The following STK3 variants were observed in gnomAD, a reference collection of about 807,000 sequenced individuals.
STK3 encodes the protein serine/threonine kinase 3, also known as serine/threonine-protein kinase 3.
A neutral mutation model predicts 58.0 loss-of-function variants in STK3; 41 were observed. The ratio of observed to expected loss-of-function variants is 0.71; its 90% CI spans 0.55 to 0.92. The LOEUF (loss-of-function observed/expected upper bound fraction) is 0.92, where lower values mean the gene tolerates loss of function less well. Among genes scored for constraint, STK3 ranks in the 40% least tolerant of loss-of-function variants. The pLI is 0.00. For synonymous variants in STK3, 170 were observed against 191.0 expected (o/e 0.89, Z 0.91); for missense variants, 479 against 602.7 (o/e 0.79, Z 2.15).
rs562862771 is a variant in STK3, at chr8:98,851,290, G to A, written c.110+32357C>T. Among the ~76,000 whole-genome samples, 10 of 152,246 alleles carry A rather than the reference G, an allele frequency of 6.6e-5. No homozygotes were observed. In the East Asian group the frequency reaches 1.5e-3, roughly 24 times the overall value. ...AGCATGTGTTTAGTGGGTGAATGTCGAATGAACTGAAGCCATTCTCATCTT... is the reference window on the plus strand; with the variant it reads ...AGCATGTGTTTAGTGGGTGAATGTCAAATGAACTGAAGCCATTCTCATCTT... On this transcript the variant is annotated intron_variant, in intron 3 of 12. Coordinates refer to the STK3 transcript ENST00000523601.
chr8:98,783,129 T>C (rs919840321), intron 1 of STK3, among the ~76,000 whole-genome samples: 2 of 152,106 alleles, frequency 1.3e-5, no homozygotes, highest in Non-Finnish European at 2.9e-5. Context: ...TATAGGCATA[T>C]CTCAGAGATA....
intron 9 of STK3, among the ~76,000 whole-genome samples, chr8:98,547,453 A>C (rs1810794870): frequency 6.6e-6 from 1 of 152,202 alleles, no homozygotes; most frequent in Non-Finnish European, 1.5e-5. Context: ...TGCCTCACAT[A>C]TGATAAGCAG....
chr8:98,443,283 A>T (rs146478023), intron 1 of STK3, among the ~76,000 whole-genome samples: 1,544 of 152,352 alleles, frequency 0.01, 21 homozygotes, highest in Admixed American at 0.05. Flanking sequence ...TCAAGGCCAA[A>T]ATAAATGCTT....
chr8:98,411,122 T>G (rs1818051434), intron 3 of STK3, among the ~76,000 whole-genome samples: 1 of 152,252 alleles, frequency 6.6e-6, no homozygotes, highest in South Asian at 2.1e-4. Flanking sequence ...AGTGTCCTCA[T>G]GGCCTTTTCA....
At chr8:98,671,557 A>T (rs1038881765) in intron 6 of STK3, among the ~76,000 whole-genome samples, 5 of 152,026 alleles carry the variant, frequency 3.3e-5, no homozygotes, top group Non-Finnish European at 7.4e-5. Context: ...TTTGTATATA[A>T]ATTTTTTAGT....
intron 10 of STK3, among the ~76,000 whole-genome samples, chr8:98,503,625 G>T (rs1052984252): frequency 6.6e-6 from 1 of 152,168 alleles, no homozygotes; most frequent in African/African-American, 2.4e-5. Context: ...TGGTTTCAAA[G>T]AACATCTTTA....
At chr8:98,527,556 G>C (rs901685968) in intron 9 of STK3, among the ~76,000 whole-genome samples, 8 of 152,174 alleles carry the variant, frequency 5.3e-5, no homozygotes, top group Middle Eastern at 6.8e-3. Flanking sequence ...GGAGGTCAAG[G>C]CTGCAGTGAG....
At chr8:98,748,014 A>G (rs960571344) in intron 4 of STK3, among the ~76,000 whole-genome samples, 2 of 152,226 alleles carry the variant, frequency 1.3e-5, no homozygotes, top group Non-Finnish European at 2.9e-5. Flanking sequence ...TCACAGTTGT[A>G]ATTATTGGCA....
downstream of STK3, among the ~76,000 whole-genome samples, chr8:98,452,653 C>T (rs545787784): frequency 1.4e-4 from 21 of 152,224 alleles, no homozygotes; most frequent in African/African-American, 3.9e-4. Context: ...TGGAAAGTTC[C>T]CAGCAACCAG....
the STK3 span, among the ~76,000 whole-genome samples, chr8:98,349,522 G>A: frequency 6.6e-6 from 1 of 152,194 alleles, no homozygotes; most frequent in Admixed American, 6.5e-5. Flanking sequence ...AGCTCCACTA[G>A]GCAGCACCCC....
intron 1 of STK3, among the ~76,000 whole-genome samples, chr8:98,775,451 A>G (rs1563987522): frequency 6.6e-6 from 1 of 152,238 alleles, no homozygotes; most frequent in South Asian, 2.1e-4. Context: ...GGTACACGCC[A>G]GACGCACCAA....
chr8:98,551,455 T>C (rs2131595943), intron 8 of STK3, among the ~76,000 whole-genome samples: 1 of 152,170 alleles, frequency 6.6e-6, no homozygotes, highest in South Asian at 2.1e-4. Context: ...CATTTCTGTT[T>C]AAAACAACAA....
At chr8:98,874,412 G>A (rs887419984) in intron 3 of STK3, among the ~76,000 whole-genome samples, 4 of 151,948 alleles carry the variant, frequency 2.6e-5, no homozygotes, top group African/African-American at 9.7e-5. Flanking sequence ...TCAGACTTCT[G>A]GCCTCCAAAA....
rs543178198 is a variant in STK3 at position 98,443,343 on chromosome 8, C to T, written n.186-6135G>A. On this transcript the variant is annotated intron_variant and non_coding_transcript_variant, in intron 1 of 3. Transcript: ENST00000517832. ...TTGAGTAATCTAACTCAGGTTTGGG[C>T]GATAACAGGTATGATTTTGTGAATG... Among the ~76,000 whole-genome samples, 88 of 152,282 alleles carry T rather than the reference C, an allele frequency of 5.8e-4. 1 individual carries two copies. Among genetic ancestry groups the T allele is most frequent in the African/African-American group, 1.6e-3 (68 of 41,556 alleles).
chr8:98,913,596 C>T (rs1168357039), intron 1 of STK3, among the ~76,000 whole-genome samples: 4 of 152,218 alleles, frequency 2.6e-5, no homozygotes, highest in South Asian at 2.1e-4. Context: ...TGAATGCCGC[C>T]AAGGAGATGC....
At chr8:98,449,732 T>C (rs1261750532), downstream of STK3, among the ~76,000 whole-genome samples, 4 of 152,120 alleles carry the variant, frequency 2.6e-5, no homozygotes, top group African/African-American at 7.2e-5. Flanking sequence ...AATGTACCAG[T>C]GGTGGGAGGA....
intron 4 of STK3, among the ~76,000 whole-genome samples, chr8:98,719,037 AAGG>A (rs1279259582): frequency 5.3e-5 from 8 of 152,198 alleles, no homozygotes; most frequent in African/African-American, 1.9e-4. Flanking sequence ...TACAAAAAGA[AAGG>A]AGACACCTTC....
chr8:98,924,555 G>A (rs1234910671), intron 1 of STK3, among the ~76,000 whole-genome samples: 2 of 152,108 alleles, frequency 1.3e-5, no homozygotes, highest in Non-Finnish European at 2.9e-5. Context: ...TTCTTCCCAG[G>A]ATTCTTTAAA....
chr8:98,387,850 A>G (rs1156263088), intron 1 of STK3, among the ~76,000 whole-genome samples: 1 of 151,294 alleles, frequency 6.6e-6, no homozygotes, highest in African/African-American at 2.4e-5. Flanking sequence ...AGAAAAAGAA[A>G]CCAGAGCTCT....
Sources: gnomAD v4.1 joint callset for allele counts (sites outside exome capture counted in the v4.1 genomes callset) on GRCh38, gnomAD v4.1.1 for gene constraint, MANE v1.5 for transcripts, NCBI Gene and HGNC (gene_info 2026-07-23, HGNC 2026-07-21) for gene names.